The following SCFD1 variants were observed in gnomAD, a reference collection of about 807,000 sequenced individuals.
SCFD1 encodes the protein sec1 family domain containing 1, also known as sec1 family domain-containing protein 1.
In SCFD1, 37 loss-of-function variants were observed where a neutral mutation model predicts 103.2. The observed-to-expected ratio is 0.36, with a 90% CI of 0.28 to 0.47. The LOEUF is 0.47. Ranked by LOEUF, SCFD1 falls within the 20% of genes least tolerant of loss-of-function variation. SCFD1 has a pLI of 1.00. For missense variants in SCFD1, 639 were observed against 761.2 expected, an observed-to-expected ratio of 0.84 and a Z score of 1.89; for synonymous variants, 264 against 245.0, an observed-to-expected ratio of 1.08 and a Z score of -0.73.
intron 9 of SCFD1, among the ~76,000 whole-genome samples, chr14:30,650,900 A>G (rs1886337479): frequency 6.6e-6 from 1 of 152,094 alleles, no homozygotes; most frequent in African/African-American, 2.4e-5. Context: ...TAAGGCTTTG[A>G]AGGTCAGAAG....
intron 10 of SCFD1, among the ~76,000 whole-genome samples, chr14:30,665,821 T>C (rs1887905436): frequency 6.6e-6 from 1 of 152,144 alleles, no homozygotes; most frequent in South Asian, 2.1e-4. Context: ...GGTAAAGGGA[T>C]CAATTCAACA....
chr14:30,638,917 CTT>C (rs1885000901), intron 5 of SCFD1, among the ~76,000 whole-genome samples: 1 of 152,128 alleles, frequency 6.6e-6, no homozygotes, highest in African/African-American at 2.4e-5. Flanking sequence ...CATGCATATA[CTT>C]TCTATTCTTT....
At chr14:30,724,244 G>GGT (rs1671542046) in intron 23 of SCFD1, among the ~76,000 whole-genome samples, 1 of 127,256 alleles carries the variant, frequency 7.9e-6, no homozygotes, top group Non-Finnish European at 1.6e-5. Context: ...CTTTTTTATG[G>GGT]GTTTTTTTTT....
At chr14:30,707,016 A>G (rs1891516176) in intron 18 of SCFD1, among the ~76,000 whole-genome samples, 1 of 152,184 alleles carries the variant, frequency 6.6e-6, no homozygotes, top group African/African-American at 2.4e-5. Flanking sequence ...TAATGAAAAG[A>G]TTTCCATCCT....
At position 30,649,504 on chromosome 14, in the gene SCFD1, T is replaced by A. The variant is rs141696373; in HGVS notation, c.614-24T>A. ...TATTTTAATTAAGAGCCAAGATCATTTCTAACATTTATTGTTAAAATAGGT... is the reference window on the plus strand; with the variant it reads ...TATTTTAATTAAGAGCCAAGATCATATCTAACATTTATTGTTAAAATAGGT... On this transcript the variant is annotated intron_variant, in intron 7 of 24. Transcript: ENST00000458591. The A allele has an allele frequency of 7.2e-6, 11 of 1,520,622 alleles. No homozygotes were observed. The African/African-American group carries it at 8.5e-5, about 12-fold the overall frequency. The allele number at this position is 1,520,622 out of a possible 1,614,324, so 94.2% of individuals were successfully genotyped here.
chr14:30,716,041 AG>A, intron 20 of SCFD1, 64 bp downstream of exon 20: 1 of 907,506 alleles, frequency 1.1e-6, no homozygotes, highest in Non-Finnish European at 1.8e-6. Context: ...AGTATGAAAG[AG>A]GATAAAATCA....
chr14:30,702,447 G>C (rs1003634495), intron 17 of SCFD1, 72 bp downstream of exon 17: 16 of 912,934 alleles, frequency 1.8e-5, no homozygotes, highest in Non-Finnish European at 2.0e-5. Context: ...CCAAGAAAAT[G>C]GGAATGCTAA....
Position 30,722,488 on chromosome 14 carries a change from T to C in SCFD1, c.1771-6T>C. On this transcript the variant is annotated splice_region_variant and splice_polypyrimidine_tract_variant and intron_variant, in intron 22 of 24. Transcript: ENST00000458591. ...TTTTTTTTTTTTTAATCTGTTTGCA[T>C]TTTAGGCCATTGTTTTTGTGGTGGG... The C allele has an allele frequency of 6.3e-7, 1 of 1,590,936 alleles. No homozygotes were observed. Among genetic ancestry groups the C allele is most frequent in the Non-Finnish European group, 8.6e-7 (1 of 1,166,160 alleles).
intron 20 of SCFD1, among the ~76,000 whole-genome samples, chr14:30,716,923 C>T (rs972320405): frequency 6.6e-6 from 1 of 152,078 alleles, no homozygotes; most frequent in African/African-American, 2.4e-5. Context: ...TGGATTCTTC[C>T]ATCTGGGAAT....
chr14:30,700,029 A>C (rs767724564), intron 15 of SCFD1, among the ~76,000 whole-genome samples, 159 bp from the exon 16 acceptor site: 1 of 152,204 alleles, frequency 6.6e-6, no homozygotes, highest in Non-Finnish European at 1.5e-5. Context: ...TGTATTTTAC[A>C]TGGTTATAAT....
chr14:30,634,334 T>A (rs1003799829), intron 4 of SCFD1, among the ~76,000 whole-genome samples: 1 of 152,178 alleles, frequency 6.6e-6, no homozygotes, highest in African/African-American at 2.4e-5. Flanking sequence ...TTCATATAAC[T>A]TTCATTACAG....
intron 19 of SCFD1, among the ~76,000 whole-genome samples, chr14:30,709,184 T>C (rs1891689396): frequency 6.6e-6 from 1 of 152,232 alleles, no homozygotes; most frequent in South Asian, 2.1e-4. Flanking sequence ...TTTATTTACC[T>C]GTATTCAGAA....
rs760993625 is a variant in SCFD1 at position 30,638,336 on chromosome 14, A to G, written c.435+89A>G. On this transcript the variant is annotated intron_variant, in intron 5 of 24. Coordinates refer to ENST00000458591, the MANE Select transcript of SCFD1 (RefSeq NM_016106.4). ...CGTAGTTGGCATAGATATCTATTTG[A>G]CAGATGACCAGAACAACAGAATTGT... is the stretch of plus-strand genomic sequence containing the variant. 3.8e-6 allele frequency: 6 copies of G among 1,559,700 alleles called. No individual in the cohort carries two copies. In the Admixed American group the frequency reaches 7.1e-5, roughly 18 times the overall value.
At chr14:30,625,504 A>G (rs1407000667) in intron 1 of SCFD1, among the ~76,000 whole-genome samples, 1 of 152,136 alleles carries the variant, frequency 6.6e-6, no homozygotes, top group African/African-American at 2.4e-5. Context: ...AGATAAAGTC[A>G]TGGTTTAAGC....
chr14:30,628,515 A>C (rs1883761395), intron 2 of SCFD1, among the ~76,000 whole-genome samples: 1 of 152,180 alleles, frequency 6.6e-6, no homozygotes, highest in Non-Finnish European at 1.5e-5. Context: ...CTTTGGTAGG[A>C]TGTCACTGAT....
At chr14:30,683,570 G>T in intron 14 of SCFD1, 2 of 265,924 alleles carry the variant, frequency 7.5e-6, no homozygotes, top group South Asian at 3.8e-5. Context: ...GATGCTAGTG[G>T]TGGCTGGGTC....
At chr14:30,724,781 A>G (rs149876072) in intron 23 of SCFD1, among the ~76,000 whole-genome samples, 1,719 of 152,186 alleles carry the variant, frequency 0.011, 31 homozygotes, top group African/African-American at 0.039. Context: ...CCAGAATGAT[A>G]TTGCCTAGGT....
intron 23 of SCFD1, among the ~76,000 whole-genome samples, chr14:30,729,508 T>C (rs1052446412): frequency 6.6e-6 from 1 of 152,202 alleles, no homozygotes; most frequent in African/African-American, 2.4e-5. Context: ...TTGATGTGTA[T>C]GGGTTTATTT....
At chr14:30,734,239 G>A (rs1893678425) in intron 23 of SCFD1, among the ~76,000 whole-genome samples, 2 of 152,120 alleles carry the variant, frequency 1.3e-5, no homozygotes, top group Admixed American at 6.5e-5. Flanking sequence ...CAAGAAATTA[G>A]CAAATCGCTA....
Sources: allele counts gnomAD v4.1 joint callset (sites outside exome capture counted in the v4.1 genomes callset), GRCh38; gene constraint gnomAD v4.1.1; transcripts MANE v1.5; gene names NCBI Gene and HGNC (gene_info 2026-07-23, HGNC 2026-07-21).